LHFPL2: variants seen among roughly 807,000 people sequenced by gnomAD.
LHFPL2 encodes LHFPL tetraspan subfamily member 2 protein.
In LHFPL2, 7 loss-of-function variants were observed where a neutral mutation model predicts 17.5. That is an observed-to-expected ratio of 0.40 (90% CI 0.23 to 0.75). LHFPL2 has a LOEUF of 0.75. LHFPL2 is among the 30% of genes least tolerant of loss of function. The probability of loss-of-function intolerance (pLI) is 0.37; values close to 1 mark genes in which losing one functional copy is unlikely to be tolerated. For missense variants in LHFPL2, 241 were observed against 294.8 expected (o/e 0.82, Z 1.34); for synonymous variants, 134 against 116.2 (o/e 1.15, Z -0.99).
intron 2 of LHFPL2, among the ~76,000 whole-genome samples, chr5:78,628,397 T>C (rs778377357): frequency 3.3e-5 from 5 of 152,218 alleles, no homozygotes; most frequent in Non-Finnish European, 7.3e-5. Context: ...TTCTTCCTCC[T>C]GGCCTGTTCT....
intron 1 of LHFPL2, among the ~76,000 whole-genome samples, chr5:78,633,920 G>C (rs1745338124): frequency 6.6e-6 from 1 of 152,104 alleles, no homozygotes; most frequent in Non-Finnish European, 1.5e-5. Flanking sequence ...GAAACAGTGA[G>C]GTCGCCCTGG....
intron 4 of LHFPL2, among the ~76,000 whole-genome samples, chr5:78,504,732 A>G (rs1198539847): frequency 2.0e-5 from 3 of 152,158 alleles, no homozygotes; most frequent in Admixed American, 6.5e-5. Context: ...CACTTCCAAG[A>G]AGGCTGAGCC....
intron 2 of LHFPL2, among the ~76,000 whole-genome samples, chr5:78,575,763 A>G (rs1757115559): frequency 6.6e-6 from 1 of 152,214 alleles, no homozygotes. Context: ...TACAAAAGAC[A>G]AAGAGAAGAA....
intron 2 of LHFPL2, among the ~76,000 whole-genome samples, chr5:78,577,980 A>C (rs1757174829): frequency 1.3e-5 from 2 of 152,264 alleles, no homozygotes; most frequent in South Asian, 2.1e-4. Context: ...CCCAAATGTT[A>C]TCCTAATGAA....
In LHFPL2 at chr5:78,510,016, G is replaced by A; in HGVS notation, c.198C>T (p.Arg66=). Residue 66 remains arginine, a synonymous_variant, in exon 4 of 5, where the codon CGC becomes CGT. Coordinates refer to ENST00000380345, the MANE Select transcript of LHFPL2 (RefSeq NM_005779.3). The part of the protein sequence containing the change: ...PYHPTLGIYA[R]CIRNPGVQHF... ...GCTGCACCCCTGGGTTCCGGATGCA[G>A]CGGGCGTAGATGCCCAGGGTGGGGT... The A allele has an allele frequency of 1.2e-6, 2 of 1,612,632 alleles. No individual in the cohort carries two copies. Among genetic ancestry groups the A allele is most frequent in the Non-Finnish European group, 1.7e-6 (2 of 1,179,474 alleles).
chr5:78,508,632 T>C (rs1418742449), intron 4 of LHFPL2, among the ~76,000 whole-genome samples: 2 of 152,240 alleles, frequency 1.3e-5, no homozygotes, highest in Non-Finnish European at 2.9e-5. Flanking sequence ...GAGTTTGCTA[T>C]GAGGCCAGCT....
intron 4 of LHFPL2, among the ~76,000 whole-genome samples, chr5:78,500,402 C>T (rs1754737775): frequency 6.6e-6 from 1 of 152,250 alleles, no homozygotes; most frequent in South Asian, 2.1e-4. Flanking sequence ...TCTGCTTATT[C>T]CTATGTCTGC....
At chr5:78,573,319 G>A (rs1471798901) in intron 2 of LHFPL2, among the ~76,000 whole-genome samples, 1 of 152,218 alleles carries the variant, frequency 6.6e-6, no homozygotes, top group Non-Finnish European at 1.5e-5. Flanking sequence ...GAGCTAAACT[G>A]AAAGGATGAC....
At chr5:78,505,415 T>C (rs1366971587) in intron 4 of LHFPL2, among the ~76,000 whole-genome samples, 1 of 152,138 alleles carries the variant, frequency 6.6e-6, no homozygotes, top group Non-Finnish European at 1.5e-5. Context: ...ACTCAACGGC[T>C]AGAAGCTGCC....
chr5:78,526,632 A>G (rs990063702), intron 3 of LHFPL2, among the ~76,000 whole-genome samples: 2 of 152,224 alleles, frequency 1.3e-5, no homozygotes, highest in African/African-American at 2.4e-5. Context: ...AAGGCTGCAC[A>G]CTTTAACATT....
intron 3 of LHFPL2, among the ~76,000 whole-genome samples, chr5:78,544,510 G>T (rs991014469): frequency 1.1e-4 from 16 of 152,052 alleles, no homozygotes; most frequent in African/African-American, 3.9e-4. Flanking sequence ...TTTCTTATAG[G>T]GCTACCATTT....
At chr5:78,585,345 A>G (rs1401636585) in intron 2 of LHFPL2, among the ~76,000 whole-genome samples, 1 of 149,750 alleles carries the variant, frequency 6.7e-6, no homozygotes, top group Non-Finnish European at 1.5e-5. Context: ...AAAGCGCAGT[A>G]TTCAGGTGGG....
chr5:78,587,073 T>A (rs770285758), intron 2 of LHFPL2, among the ~76,000 whole-genome samples: 1 of 152,188 alleles, frequency 6.6e-6, no homozygotes, highest in African/African-American at 2.4e-5. Flanking sequence ...TCATTATTAG[T>A]AATAAAATGA....
chr5:78,526,008 A>C (rs1755612273), intron 3 of LHFPL2, among the ~76,000 whole-genome samples: 2 of 152,132 alleles, frequency 1.3e-5, no homozygotes, highest in Admixed American at 6.5e-5. Flanking sequence ...GAGCCACCCC[A>C]GCCTCCCCAA....
At chr5:78,516,131 G>A (rs1188465081) in intron 3 of LHFPL2, among the ~76,000 whole-genome samples, 1 of 151,610 alleles carries the variant, frequency 6.6e-6, no homozygotes, top group African/African-American at 2.4e-5. Context: ...ATGTACCAAA[G>A]GAGGTTTTGA....
intron 2 of LHFPL2, among the ~76,000 whole-genome samples, chr5:78,618,458 G>A (rs1744699791): frequency 1.3e-5 from 2 of 152,338 alleles, no homozygotes; most frequent in South Asian, 4.1e-4. Context: ...GGCTGGTCTA[G>A]AGGCTTGGTT....
At chr5:78,575,571 C>G (rs1040352523) in intron 2 of LHFPL2, among the ~76,000 whole-genome samples, 1 of 151,948 alleles carries the variant, frequency 6.6e-6, no homozygotes, top group Non-Finnish European at 1.5e-5. Context: ...AAGAAAAACC[C>G]ACATGGCAAA....
intron 3 of LHFPL2, among the ~76,000 whole-genome samples, chr5:78,537,211 C>G (rs1755975710): frequency 6.6e-6 from 1 of 152,212 alleles, no homozygotes; most frequent in South Asian, 2.1e-4. Context: ...CTGGAGGCCA[C>G]TGAAGCTTTC....
intron 1 of LHFPL2, among the ~76,000 whole-genome samples, chr5:78,639,460 C>T (rs750272514): frequency 6.6e-6 from 1 of 152,148 alleles, no homozygotes; most frequent in Non-Finnish European, 1.5e-5. Context: ...CACTATGCTA[C>T]GAATTACAGC....
Sources: gnomAD v4.1 joint callset for allele counts (sites outside exome capture counted in the v4.1 genomes callset) on GRCh38, gnomAD v4.1.1 for gene constraint, MANE v1.5 for transcripts, NCBI Gene and HGNC (gene_info 2026-07-23, HGNC 2026-07-21) for gene names.